Variants in DLGAP1 observed in about 807,000 individuals in gnomAD.
The protein encoded by DLGAP1 is DLG associated protein 1, also known as disks large-associated protein 1.
DLGAP1 carries 11 observed loss-of-function variants against 90.8 expected under a neutral mutation model. The observed-to-expected ratio is 0.12, with a 90% CI of 0.08 to 0.20. The LOEUF (loss-of-function observed/expected upper bound fraction) is 0.20. Ranked by LOEUF, DLGAP1 falls within the 10% of genes least tolerant of loss-of-function variation. The pLI, the probability that DLGAP1 is intolerant of heterozygous loss-of-function variation, is 1.00. For synonymous variants in DLGAP1, 558 were observed against 540.7 expected (o/e 1.03, Z -0.44); for missense variants, 1,050 against 1,333.8 (o/e 0.79, Z 3.31).
At chr18:3,597,498 C>G (rs1159000577) in intron 7 of DLGAP1, 1 of 343,062 alleles carries the variant, frequency 2.9e-6, no homozygotes, top group Non-Finnish European at 5.6e-6. Context: ...TGTGTATGAA[C>G]CAGGGTCCGT....
chr18:3,850,105 G>A (rs1398318654), intron 4 of DLGAP1, among the ~76,000 whole-genome samples: 2 of 151,382 alleles, frequency 1.3e-5, no homozygotes, highest in African/African-American at 4.9e-5. Flanking sequence ...AGTGGCTCAC[G>A]TCTGTAATCC....
At chr18:4,397,198 A>G (rs1266506993) in intron 1 of DLGAP1, among the ~76,000 whole-genome samples, 1 of 152,234 alleles carries the variant, frequency 6.6e-6, no homozygotes, top group African/African-American at 2.4e-5. Flanking sequence ...CCTAGTGTGT[A>G]GCATGTATAA....
Position 3,879,989 on chromosome 18 carries a change from G to A in DLGAP1, c.80C>T (p.Ser27Phe), listed in dbSNP as rs762685919. 6.2e-7 allele frequency: 1 copy of A among 1,611,754 alleles called. No individual in the cohort carries two copies. Among genetic ancestry groups the A allele is most frequent in the Non-Finnish European group, 8.5e-7 (1 of 1,179,942 alleles). Residue 27 changes from serine to phenylalanine, a missense_variant, in exon 4 of 13, where the codon TCC (serine) becomes TTC (phenylalanine). By Grantham distance (155) the Ser-to-Phe change is radical (BLOSUM62 -2). Around this residue, in one of 2 missense-constraint regions of DLGAP1, gnomAD observed 485 missense variants for 454.1 expected, o/e 1.07. Coordinates refer to ENST00000315677, the MANE Select transcript of DLGAP1 (RefSeq NM_004746.4). The surrounding 1 kb of genome is among the most constrained non-coding windows in gnomAD (Gnocchi z 6.6). ...GCTCAGCAGGTAGGGCTTGCGGTCG[G>A]AGTGGTGCGACAGCGAGTCACAGGC... ...DSACDSLSHH[S>F]DRKPYLLSPV... is the part of the protein sequence containing the mutation.
chr18:4,089,960 G>A (rs965737899), intron 2 of DLGAP1, among the ~76,000 whole-genome samples: 1 of 152,160 alleles, frequency 6.6e-6, no homozygotes, highest in Non-Finnish European at 1.5e-5. Context: ...CAGGAGAATG[G>A]CGTGAACCCG....
chr18:4,088,952 C>T lies in DLGAP1; in HGVS notation c.-159+62228G>A, dbSNP rs540465254. Among the ~76,000 whole-genome samples, 11 of 152,274 alleles carry T rather than the reference C, an allele frequency of 7.2e-5. 1 individual carries two copies. The highest frequency in any genetic ancestry group is 1.9e-4 in the East Asian group (1 of 5,184). On this transcript the variant is annotated intron_variant, in intron 2 of 12. Transcript: ENST00000315677. ...ACATAGTGTTGGAAGTTTTGGCCAGCGCAAGCAGGCAAGAGAAAGCAATAA... is the reference window on the plus strand; with the variant it reads ...ACATAGTGTTGGAAGTTTTGGCCAGTGCAAGCAGGCAAGAGAAAGCAATAA...
chr18:3,576,705 C>T (rs2055168892), intron 8 of DLGAP1, among the ~76,000 whole-genome samples: 1 of 151,362 alleles, frequency 6.6e-6, no homozygotes, highest in African/African-American at 2.4e-5. Flanking sequence ...GCTGGAATTA[C>T]AGGCATGCAC....
intron 2 of DLGAP1, among the ~76,000 whole-genome samples, chr18:4,062,431 C>T (rs2075312252): frequency 6.6e-6 from 1 of 152,106 alleles, no homozygotes; most frequent in South Asian, 2.1e-4. Flanking sequence ...TAAAGAATGT[C>T]ACTTTCTGAC....
At chr18:3,839,962 A>C (rs1405750323) in intron 4 of DLGAP1, among the ~76,000 whole-genome samples, 1 of 152,146 alleles carries the variant, frequency 6.6e-6, no homozygotes, top group Non-Finnish European at 1.5e-5. Flanking sequence ...TCCCTTCTCA[A>C]GGAGACCTCA....
chr18:3,772,082 A>T (rs2064583300), intron 5 of DLGAP1, among the ~76,000 whole-genome samples: 1 of 152,160 alleles, frequency 6.6e-6, no homozygotes. Context: ...AAAAACAGTT[A>T]AAACCTAAGC....
chr18:4,042,141 C>G (rs960898809), intron 2 of DLGAP1, among the ~76,000 whole-genome samples: 1 of 152,104 alleles, frequency 6.6e-6, no homozygotes, highest in African/African-American at 2.4e-5. Context: ...TAGAGAGTTA[C>G]CATTCTTCCC....
chr18:4,348,651 CG>C (rs1026697478), intron 1 of DLGAP1, among the ~76,000 whole-genome samples: 1 of 151,846 alleles, frequency 6.6e-6, no homozygotes, highest in Non-Finnish European at 1.5e-5. Context: ...TAGATATTAG[CG>C]GGATGAAGAA....
At chr18:4,166,731 C>G (rs2144552349) in intron 1 of DLGAP1, among the ~76,000 whole-genome samples, 1 of 152,280 alleles carries the variant, frequency 6.6e-6, no homozygotes, top group East Asian at 1.9e-4. Context: ...TTATGAAATT[C>G]TGACACATGC....
chr18:3,994,773 G>A (rs960482176), intron 3 of DLGAP1, among the ~76,000 whole-genome samples: 1 of 152,098 alleles, frequency 6.6e-6, no homozygotes, highest in African/African-American at 2.4e-5. Flanking sequence ...TTCAAGAATT[G>A]TTCAAAACTA....
intron 2 of DLGAP1, among the ~76,000 whole-genome samples, chr18:4,042,688 C>G: frequency 6.6e-6 from 1 of 152,032 alleles, no homozygotes; most frequent in African/African-American, 2.4e-5. Flanking sequence ...TGCAATAAGC[C>G]GAGATCATGC....
intron 3 of DLGAP1, among the ~76,000 whole-genome samples, chr18:3,887,605 A>G (rs1033205931): frequency 1.3e-5 from 2 of 152,200 alleles, no homozygotes; most frequent in African/African-American, 4.8e-5. Flanking sequence ...TCACACATGC[A>G]TGCTCCAACC....
chr18:4,105,860 C>A (rs2075852559), intron 2 of DLGAP1, among the ~76,000 whole-genome samples: 1 of 151,632 alleles, frequency 6.6e-6, no homozygotes, highest in South Asian at 2.1e-4. Context: ...GAAACCCCGT[C>A]TCTACTAAAA....
At position 4,125,863 on chromosome 18, in the gene DLGAP1, C is replaced by G. The variant is rs116368657; in HGVS notation, c.-159+25317G>C. Among the ~76,000 whole-genome samples the G allele has an allele frequency of 7.3e-3, 1,110 of 152,250 alleles. 11 individuals carry two copies. Among genetic ancestry groups the G allele is most frequent in the African/African-American group, 0.025 (1,037 of 41,540 alleles). ...AATTTGTCCTAAAATTAGAGCAGGG[C>G]ACTGGGTTCACAGGTGGCTGCTACG... On this transcript the variant is annotated intron_variant, in intron 2 of 12. Coordinates refer to ENST00000315677, the MANE Select transcript of DLGAP1 (RefSeq NM_004746.4).
At chr18:3,661,667 C>T (rs541538340) in intron 7 of DLGAP1, among the ~76,000 whole-genome samples, 68 of 151,408 alleles carry the variant, frequency 4.5e-4, no homozygotes, top group African/African-American at 1.6e-3. Flanking sequence ...ACCTCCGCCT[C>T]CTGGGTTCAA....
intron 5 of DLGAP1, among the ~76,000 whole-genome samples, chr18:3,795,721 C>A (rs911012424): frequency 2.0e-5 from 3 of 152,096 alleles, no homozygotes; most frequent in African/African-American, 4.8e-5. Flanking sequence ...TGGGCCCATG[C>A]GATCCTCCCA....
Sources: gnomAD v4.1 joint callset for allele counts (sites outside exome capture counted in the v4.1 genomes callset) on GRCh38, gnomAD v4.1.1 for gene constraint, gnomAD v4.1.1 regional missense constraint, Gnocchi (gnomAD v3.1) non-coding constraint, MANE v1.5 for transcripts, NCBI Gene and HGNC (gene_info 2026-07-23, HGNC 2026-07-21) for gene names.